TMEM233: variants seen among roughly 807,000 people sequenced by gnomAD.
The protein encoded by TMEM233 is transmembrane protein 233.
TMEM233 carries 6 observed loss-of-function variants against 11.2 expected under a neutral mutation model. The observed-to-expected ratio is 0.54, with a 90% CI of 0.29 to 1.06. The LOEUF (loss-of-function observed/expected upper bound fraction) is 1.06. TMEM233 is among the 50% of genes least tolerant of loss of function. The pLI is 0.08. For missense variants in TMEM233, 127 were observed against 144.7 expected, an observed-to-expected ratio of 0.88 and a Z score of 0.63; for synonymous variants, 59 against 55.8, an observed-to-expected ratio of 1.06 and a Z score of -0.26.
rs572560410 is a variant in TMEM233 at position 119,594,415 on chromosome 12, C to G, written c.186+381C>G. The G allele has an allele frequency of 5.0e-6, 1 of 201,254 alleles. No individual in the cohort carries two copies. Among genetic ancestry groups the G allele is most frequent in the Non-Finnish European group, 1.0e-5 (1 of 99,024 alleles). The allele number at this position is 201,254 out of a possible 1,614,324, so 12.5% of individuals were successfully genotyped here. A position where few individuals can be genotyped will look rare whatever the true frequency, so the allele number is the denominator to read the frequency against. ...AACCCTCTTTTCTAGAGCCCCAGTG[C>G]GCGCCACCCTAGCGAGCGCAGTAAG... On this transcript the variant is annotated intron_variant, in intron 1 of 2. Coordinates refer to ENST00000426426, the MANE Select transcript of TMEM233 (RefSeq NM_001136534.3). This position sits in a 1 kb window ranked among gnomAD's most constrained non-coding sequence, Gnocchi z 5.6.
chr12:119,599,207 G>C (rs577918334), intron 1 of TMEM233, among the ~76,000 whole-genome samples: 1 of 152,276 alleles, frequency 6.6e-6, no homozygotes, highest in South Asian at 2.1e-4. Context: ...TAAAATGATA[G>C]TAAGTGCTAT....
chr12:119,627,509 A>G (rs1460333915), intron 1 of TMEM233, among the ~76,000 whole-genome samples: 2 of 152,196 alleles, frequency 1.3e-5, no homozygotes, highest in Non-Finnish European at 2.9e-5. Flanking sequence ...CAAGGGGAAA[A>G]CAATTGTGTC....
the TMEM233 span, among the ~76,000 whole-genome samples, chr12:119,649,071 G>C: frequency 6.6e-6 from 1 of 152,236 alleles, no homozygotes; most frequent in Non-Finnish European, 1.5e-5. Context: ...GCCGAGGTAG[G>C]AGGATCACCT....
chr12:119,627,131 T>A (rs1954781704), intron 1 of TMEM233, among the ~76,000 whole-genome samples: 1 of 152,180 alleles, frequency 6.6e-6, no homozygotes, highest in Non-Finnish European at 1.5e-5. Context: ...TTTTAACAGC[T>A]GGGAATGACA....
intron 1 of TMEM233, among the ~76,000 whole-genome samples, chr12:119,629,439 C>G (rs1008969114): frequency 6.6e-6 from 1 of 152,020 alleles, no homozygotes; most frequent in Non-Finnish European, 1.5e-5. Context: ...AAAAGACAGA[C>G]GATGACCCCT....
chr12:119,621,600 T>G (rs1169374078), intron 1 of TMEM233, among the ~76,000 whole-genome samples: 1 of 152,232 alleles, frequency 6.6e-6, no homozygotes, highest in Non-Finnish European at 1.5e-5. Flanking sequence ...CAAATTGCTT[T>G]GACTTCTTTG....
intron 2 of TMEM233, among the ~76,000 whole-genome samples, chr12:119,632,089 T>C (rs938500997): frequency 6.6e-6 from 1 of 152,226 alleles, no homozygotes; most frequent in Non-Finnish European, 1.5e-5. Context: ...AAATGCATAC[T>C]GCCTAGATTA....
chr12:119,617,839 A>G (rs1364120878), intron 1 of TMEM233, among the ~76,000 whole-genome samples: 9 of 152,236 alleles, frequency 5.9e-5, no homozygotes. Flanking sequence ...ATCTCAAAAA[A>G]ACAAAAAGAA....
rs990222106 is a variant in TMEM233 at position 119,614,858 on chromosome 12, T to C, written c.187-14878T>C. Among the ~76,000 whole-genome samples the C allele has an allele frequency of 2.0e-5, 3 of 152,152 alleles. No homozygotes were observed. In the South Asian group the frequency reaches 6.2e-4, roughly 31 times the overall value. ...TAGTCCAGGGCCTGGCACAGAATAT[T>C]CAATAAATATTAACTATAATTTTAA... On this transcript the variant is annotated intron_variant, in intron 1 of 2. Transcript: ENST00000426426.
intron 1 of TMEM233, among the ~76,000 whole-genome samples, chr12:119,615,173 T>TAAAAAAAAAAAAAAAAAAAAAAAA (rs60318959): frequency 2.0e-4 from 11 of 56,198 alleles, no homozygotes; most frequent in East Asian, 7.4e-4. Flanking sequence ...CGCTTTCTGC[T>TAAAAAAAAAAAAAAAAAAAAAAAA]AAAAAAAAAA....
chr12:119,624,911 CA>C (rs566337015), intron 1 of TMEM233, among the ~76,000 whole-genome samples: 165 of 152,278 alleles, frequency 1.1e-3, no homozygotes, highest in African/African-American at 3.8e-3. Context: ...TCAGTTAAAT[CA>C]GAATCTCTCC....
Position 119,595,424 on chromosome 12 carries a change from T to C in TMEM233, c.186+1390T>C, listed in dbSNP as rs1954022333. ...TTCGATTCGTGGGCACCTGCAAGGC[T>C]CCATTTGCACCCGTAACTTGCCCTT... On this transcript the variant is annotated intron_variant, in intron 1 of 2. Transcript: ENST00000426426. This position sits in a 1 kb window ranked among gnomAD's most constrained non-coding sequence, Gnocchi z 4.3. 6.6e-6 allele frequency among the ~76,000 whole-genome samples: 1 copy of C among 152,222 alleles called. No individual in the cohort carries two copies. The highest frequency in any genetic ancestry group is 1.5e-5 in the Non-Finnish European group (1 of 68,048).
At chr12:119,614,708 G>GT (rs1954485671) in intron 1 of TMEM233, among the ~76,000 whole-genome samples, 1 of 152,056 alleles carries the variant, frequency 6.6e-6, no homozygotes, top group Non-Finnish European at 1.5e-5. Context: ...CAGAAACACT[G>GT]TTTGACTGTT....
chr12:119,616,468 G>A (rs1954535978), intron 1 of TMEM233, among the ~76,000 whole-genome samples: 1 of 152,192 alleles, frequency 6.6e-6, no homozygotes, highest in African/African-American at 2.4e-5. Flanking sequence ...TCAAATACGG[G>A]TGGTTGGCTT....
chr12:119,601,923 G>C (rs965630207), intron 1 of TMEM233, among the ~76,000 whole-genome samples: 1 of 152,162 alleles, frequency 6.6e-6, no homozygotes, highest in South Asian at 2.1e-4. Context: ...ATAGAAAAGA[G>C]ACAGAGAAAT....
rs1355111542 is a variant in TMEM233, at chr12:119,595,085, C to T, written c.186+1051C>T. Among the ~76,000 whole-genome samples, 2 of 152,216 alleles carry T rather than the reference C, an allele frequency of 1.3e-5. No individual in the cohort carries two copies. Among genetic ancestry groups the T allele is most frequent in the African/African-American group, 2.4e-5 (1 of 41,464 alleles). ...TAGTCCGCCCTTCCGGAGCTCAGCT[C>T]CCTAGCCCTCTTCAACCCTGGTAGG... On this transcript the variant is annotated intron_variant, in intron 1 of 2. Coordinates refer to ENST00000426426, the MANE Select transcript of TMEM233 (RefSeq NM_001136534.3). This position sits in a 1 kb window ranked among gnomAD's most constrained non-coding sequence, Gnocchi z 4.3.
Position 119,593,841 on chromosome 12 carries a change from C to T in TMEM233, c.-8C>T. ...TCCTCCGCCCTCCCGGCGCCGCCGG[C>T]CTCGCCCATGTCTCAGTACGCCCCT... On this transcript the variant is annotated 5_prime_UTR_variant, in exon 1 of 3. Transcript: ENST00000426426. The surrounding 1 kb of genome is among the most constrained non-coding windows in gnomAD (Gnocchi z 4.1). The T allele has an allele frequency of 6.5e-7, 1 of 1,550,136 alleles. No individual in the cohort carries two copies. The highest frequency in any genetic ancestry group is 8.7e-7 in the Non-Finnish European group (1 of 1,145,932).
At chr12:119,652,296 C>G in the TMEM233 span, among the ~76,000 whole-genome samples, 21 of 152,238 alleles carry the variant, frequency 1.4e-4, no homozygotes, top group African/African-American at 4.8e-4. Context: ...AAATGAGAAG[C>G]AAAAATGTCC....
At chr12:119,632,752 T>C (rs1954910054) in intron 2 of TMEM233, among the ~76,000 whole-genome samples, 1 of 152,150 alleles carries the variant, frequency 6.6e-6, no homozygotes, top group African/African-American at 2.4e-5. Flanking sequence ...TTATGTAAAA[T>C]CTCCAAATTT....
Sources: allele counts gnomAD v4.1 joint callset (sites outside exome capture counted in the v4.1 genomes callset), GRCh38; gene constraint gnomAD v4.1.1; non-coding constraint Gnocchi (gnomAD v3.1); transcripts MANE v1.5; gene names NCBI Gene and HGNC (gene_info 2026-07-23, HGNC 2026-07-21).